Variants in KIAA0825 observed in about 807,000 individuals in gnomAD.
KIAA0825 encodes the protein KIAA0825, also known as uncharacterized protein KIAA0825.
Under a neutral mutation model 147.6 loss-of-function variants are expected in KIAA0825, and 119 were observed. That is an observed-to-expected ratio of 0.81 (90% CI 0.69 to 0.94). The LOEUF (loss-of-function observed/expected upper bound fraction) is 0.94, where lower values mean the gene tolerates loss of function less well. Among genes scored for constraint, KIAA0825 ranks in the 40% least tolerant of loss-of-function variants. The pLI, the probability that KIAA0825 is intolerant of heterozygous loss-of-function variation, is 0.00. For synonymous variants in KIAA0825, 470 were observed against 518.1 expected (o/e 0.91, Z 1.26); for missense variants, 1,381 against 1,472.7 (o/e 0.94, Z 1.02).
At chr5:94,319,649 T>G (rs1779977781) in intron 20 of KIAA0825, among the ~76,000 whole-genome samples, 1 of 151,958 alleles carries the variant, frequency 6.6e-6, no homozygotes, top group African/African-American at 2.4e-5. Flanking sequence ...ATCTTTTGAG[T>G]TCTATTTTTC....
chr5:94,386,430 G>T (rs1328114685), intron 18 of KIAA0825, 26 bp from the exon 19 acceptor site: 5 of 1,526,862 alleles, frequency 3.3e-6, no homozygotes, highest in Non-Finnish European at 4.4e-6. Flanking sequence ...ATTACAAGTT[G>T]TGACGGTGAG....
At chr5:94,356,721 A>ATTTTTTT (rs1156680490) in intron 20 of KIAA0825, among the ~76,000 whole-genome samples, 1 of 112,542 alleles carries the variant, frequency 8.9e-6, no homozygotes, top group Non-Finnish European at 1.9e-5. Context: ...GTTTAACTTG[A>ATTTTTTT]TTTCTTTTTT....
intron 1 of KIAA0825, chr5:94,615,594 A>G (rs1790229930): frequency 6.6e-6 from 1 of 152,240 alleles, no homozygotes; most frequent in East Asian, 1.9e-4. Flanking sequence ...AGCAGAGAAT[A>G]AACACAGAAA....
chr5:94,574,101 G>GA (rs1392119074), intron 2 of KIAA0825, among the ~76,000 whole-genome samples: 1 of 152,128 alleles, frequency 6.6e-6, no homozygotes, highest in Admixed American at 6.5e-5. Flanking sequence ...CAAGCCCCAA[G>GA]AAAAAGGAAG....
intron 20 of KIAA0825, among the ~76,000 whole-genome samples, chr5:94,253,958 A>C (rs1029330833): frequency 3.3e-5 from 5 of 152,144 alleles, no homozygotes; most frequent in Admixed American, 2.6e-4. Context: ...AGACTAGAAC[A>C]ATTTCTAATT....
At chr5:94,252,399 C>T (rs990978317) in intron 20 of KIAA0825, among the ~76,000 whole-genome samples, 1 of 151,622 alleles carries the variant, frequency 6.6e-6, no homozygotes, top group African/African-American at 2.4e-5. Flanking sequence ...TAACTCTATA[C>T]CTATTTTTAA....
intron 20 of KIAA0825, among the ~76,000 whole-genome samples, chr5:94,276,225 T>C (rs1409672583): frequency 6.6e-6 from 1 of 152,168 alleles, no homozygotes; most frequent in Non-Finnish European, 1.5e-5. Context: ...TGTGAGTGGT[T>C]ACGGGCATGG....
At chr5:94,463,752 A>T (rs921197512) in intron 11 of KIAA0825, among the ~76,000 whole-genome samples, 5 of 151,916 alleles carry the variant, frequency 3.3e-5, no homozygotes, top group African/African-American at 1.2e-4. Context: ...TTAATTCATT[A>T]AATATACTAC....
In KIAA0825 at chr5:94,452,990, A is replaced by G; in HGVS notation, c.2326T>C (p.Cys776Arg). Residue 776 changes from cysteine to arginine, a missense_variant, in exon 13 of 21, where the codon TGC (cysteine) becomes CGC (arginine). By Grantham distance (180) the Cys-to-Arg change is radical. Coordinates refer to ENST00000682413, the MANE Select transcript of KIAA0825 (RefSeq NM_001145678.3). ...AAAGAAGGGTAGAAATGTGATATGC[A>G]AGAAACCCAATATAATGGTTGCTTA... ...FFKQPLYWVSCISHFYPSLLR... is the reference protein window; with the variant it reads ...FFKQPLYWVSRISHFYPSLLR... 6.5e-7 allele frequency: 1 copy of G among 1,530,464 alleles called. No individual in the cohort carries two copies. Among genetic ancestry groups the G allele is most frequent in the Admixed American group, 2.1e-5 (1 of 46,804 alleles). The allele number at this position is 1,530,464 out of a possible 1,614,324, so 94.8% of individuals were successfully genotyped here. A position where few individuals can be genotyped will look rare whatever the true frequency, so the allele number is the denominator to read the frequency against.
intron 10 of KIAA0825, among the ~76,000 whole-genome samples, chr5:94,465,631 A>G (rs1584575656): frequency 1.3e-5 from 2 of 152,246 alleles, no homozygotes; most frequent in South Asian, 4.1e-4. Flanking sequence ...TGGCATTTAA[A>G]TAACAATACT....
chr5:94,510,450 T>C (rs1306323689), intron 5 of KIAA0825, among the ~76,000 whole-genome samples: 7 of 152,232 alleles, frequency 4.6e-5, no homozygotes, highest in African/African-American at 1.7e-4. Flanking sequence ...TTCCTGTCTT[T>C]CTTCAGTGTT....
intron 19 of KIAA0825, 71 bp from the exon 20 acceptor site, chr5:94,384,529 G>A: frequency 7.8e-7 from 1 of 1,281,908 alleles, no homozygotes; most frequent in Non-Finnish European, 1.1e-6. Context: ...GTAAATTAAA[G>A]CTCCAGCTGT....
At chr5:94,528,872 AC>A (rs1408970426) in intron 3 of KIAA0825, among the ~76,000 whole-genome samples, 3 of 151,848 alleles carry the variant, frequency 2.0e-5, no homozygotes, top group Non-Finnish European at 4.4e-5. Flanking sequence ...TCCCAACAAA[AC>A]CATACAAACT....
intron 20 of KIAA0825, among the ~76,000 whole-genome samples, chr5:94,339,309 C>G (rs1782121458): frequency 6.6e-6 from 1 of 152,068 alleles, no homozygotes; most frequent in Non-Finnish European, 1.5e-5. Context: ...ATATTTTCTT[C>G]CCAGATGAGT....
At chr5:94,272,138 A>G (rs893884149) in intron 20 of KIAA0825, among the ~76,000 whole-genome samples, 1 of 150,526 alleles carries the variant, frequency 6.6e-6, no homozygotes, top group Admixed American at 6.6e-5. Context: ...AAAAACTAAG[A>G]CAATTGAACT....
chr5:94,509,693 TA>T (rs1766212088), intron 5 of KIAA0825, among the ~76,000 whole-genome samples: 1 of 152,222 alleles, frequency 6.6e-6, no homozygotes, highest in Non-Finnish European at 1.5e-5. Flanking sequence ...AGCTTGTCCA[TA>T]AGTTCAAGCA....
At chr5:94,438,194 G>A (rs188388164) in intron 14 of KIAA0825, among the ~76,000 whole-genome samples, 66 of 152,258 alleles carry the variant, frequency 4.3e-4, no homozygotes, top group African/African-American at 1.3e-3. Flanking sequence ...AGAGCTACTC[G>A]CTATTTATCA....
At chr5:94,441,499 T>C (rs1482952914) in intron 13 of KIAA0825, among the ~76,000 whole-genome samples, 6 of 152,152 alleles carry the variant, frequency 3.9e-5, no homozygotes, top group African/African-American at 1.2e-4. Context: ...AAAATTCATA[T>C]GTTGAAACCC....
chr5:94,269,021 T>A (rs1033999719), intron 20 of KIAA0825, among the ~76,000 whole-genome samples: 1 of 152,206 alleles, frequency 6.6e-6, no homozygotes, highest in Non-Finnish European at 1.5e-5. Flanking sequence ...TTTATTCATC[T>A]ATTTTTTTCA....
Sources: gnomAD v4.1 joint callset for allele counts (sites outside exome capture counted in the v4.1 genomes callset) on GRCh38, gnomAD v4.1.1 for gene constraint, MANE v1.5 for transcripts, NCBI Gene and HGNC (gene_info 2026-07-23, HGNC 2026-07-21) for gene names.